The following TULP4 variants were observed in gnomAD, a reference collection of about 807,000 sequenced individuals.
TULP4 encodes the protein tubby-related protein 4.
Under a neutral mutation model 129.0 loss-of-function variants are expected in TULP4, and 16 were observed. The ratio of observed to expected loss-of-function variants is 0.12; its 90% CI spans 0.08 to 0.19. The LOEUF (loss-of-function observed/expected upper bound fraction) is 0.19, where lower values mean the gene tolerates loss of function less well. TULP4 is among the 10% of genes least tolerant of loss of function. The pLI is 1.00. For missense variants in TULP4, 1,842 were observed against 2,059.1 expected (o/e 0.89, Z 2.04); for synonymous variants, 998 against 854.0 (o/e 1.17, Z -2.94).
chr6:158,255,450 T>C (rs1286801614), intron 1 of TULP4, among the ~76,000 whole-genome samples: 1 of 152,146 alleles, frequency 6.6e-6, no homozygotes, highest in Non-Finnish European at 1.5e-5. Context: ...CCGTAGGTGA[T>C]GACTGTAGGG....
intron 1 of TULP4, among the ~76,000 whole-genome samples, chr6:158,397,213 G>T (rs1777738784): frequency 6.6e-6 from 1 of 152,192 alleles, no homozygotes; most frequent in Admixed American, 6.5e-5. Context: ...AGGGTCACAG[G>T]TACCTGCTGG....
chr6:158,405,017 C>G (rs983508966), intron 1 of TULP4, among the ~76,000 whole-genome samples: 2 of 152,056 alleles, frequency 1.3e-5, no homozygotes, highest in Non-Finnish European at 2.9e-5. Context: ...GAGAGTTTAA[C>G]CTTCTTTCAG....
intron 1 of TULP4, among the ~76,000 whole-genome samples, chr6:158,250,530 A>G (rs1335752451): frequency 6.6e-6 from 1 of 152,228 alleles, no homozygotes; most frequent in African/African-American, 2.4e-5. Context: ...GCTTTCTATA[A>G]ATTTATTGTA....
chr6:158,452,105 C>G (rs1293763568), intron 4 of TULP4, 29 bp from the exon 5 acceptor site: 1 of 1,610,472 alleles, frequency 6.2e-7, no homozygotes, highest in Non-Finnish European at 8.5e-7. Flanking sequence ...TGCTTCCCTC[C>G]TTTTCACTTG....
intron 1 of TULP4, among the ~76,000 whole-genome samples, chr6:158,331,953 C>T (rs1159236589): frequency 6.8e-6 from 1 of 148,116 alleles, no homozygotes; most frequent in East Asian, 2.0e-4. Flanking sequence ...GGGCGGATTA[C>T]CCGAGGTCAG....
intron 1 of TULP4, among the ~76,000 whole-genome samples, chr6:158,374,330 T>C (rs1444071407): frequency 6.6e-6 from 1 of 152,094 alleles, no homozygotes; most frequent in Non-Finnish European, 1.5e-5. Context: ...TAGCAGACAT[T>C]TTCCAGGAAT....
intron 6 of TULP4, among the ~76,000 whole-genome samples, chr6:158,478,695 C>T (rs1779872918): frequency 1.3e-5 from 2 of 152,178 alleles, no homozygotes; most frequent in Non-Finnish European, 2.9e-5. Context: ...GAATGATCAT[C>T]AGCGCTCCAT....
chr6:158,377,277 A>G (rs1777214327), intron 1 of TULP4, among the ~76,000 whole-genome samples: 1 of 152,250 alleles, frequency 6.6e-6, no homozygotes, highest in African/African-American at 2.4e-5. Flanking sequence ...AGAGAAAAAC[A>G]GGTGAGTGAT....
chr6:158,344,137 G>A (rs1311477632), intron 1 of TULP4, among the ~76,000 whole-genome samples: 1 of 152,032 alleles, frequency 6.6e-6, no homozygotes, highest in Non-Finnish European at 1.5e-5. Context: ...CCCCACCCTT[G>A]AGAATGTTCT....
intron 1 of TULP4, among the ~76,000 whole-genome samples, chr6:158,342,224 T>C (rs1210939534): frequency 6.6e-6 from 1 of 152,232 alleles, no homozygotes; most frequent in Non-Finnish European, 1.5e-5. Context: ...CCCAGCTTGG[T>C]GTGATCTTAT....
rs139931944 is a variant in TULP4, at chr6:158,370,831, G to A, written c.253-42234G>A. Among the ~76,000 whole-genome samples the A allele has an allele frequency of 2.7e-3, 407 of 152,322 alleles. 6 individuals carry two copies. Among genetic ancestry groups the A allele is most frequent in the African/African-American group, 8.6e-3 (358 of 41,568 alleles). On this transcript the variant is annotated intron_variant, in intron 1 of 13. Coordinates refer to ENST00000367097, the MANE Select transcript of TULP4 (RefSeq NM_020245.5). ...GACAAAATGTGGGTGGAGTCAGATAGTAGCTCTGACATTAGGCAGTTTATT... is the reference window on the plus strand; with the variant it reads ...GACAAAATGTGGGTGGAGTCAGATAATAGCTCTGACATTAGGCAGTTTATT...
intron 3 of TULP4, among the ~76,000 whole-genome samples, chr6:158,443,006 A>T (rs557396974): frequency 4.0e-5 from 6 of 151,028 alleles, no homozygotes; most frequent in African/African-American, 1.5e-4. Context: ...GTTTTTTGAG[A>T]TGGAGTCTCA....
chr6:158,458,373 C>A (rs1295737662), intron 5 of TULP4, among the ~76,000 whole-genome samples: 3 of 152,064 alleles, frequency 2.0e-5, no homozygotes, highest in Non-Finnish European at 4.4e-5. Context: ...AAAACCCACA[C>A]CCCCCAAAAT....
At chr6:158,353,134 A>G (rs1406977518) in intron 1 of TULP4, among the ~76,000 whole-genome samples, 1 of 152,224 alleles carries the variant, frequency 6.6e-6, no homozygotes, top group Non-Finnish European at 1.5e-5. Context: ...GGCTGTCCCC[A>G]TCGACCTCCC....
At chr6:158,239,747 C>T (rs1449555475) in intron 1 of TULP4, among the ~76,000 whole-genome samples, 65 of 76,156 alleles carry the variant, frequency 8.5e-4, no homozygotes, top group Admixed American at 1.1e-3. Flanking sequence ...CCAGACGGGG[C>T]GGCTGGCCGG....
chr6:158,431,959 G>T (rs552402885), intron 3 of TULP4, among the ~76,000 whole-genome samples: 2 of 151,808 alleles, frequency 1.3e-5, no homozygotes, highest in Non-Finnish European at 1.5e-5. Context: ...CTAGGAAAGC[G>T]CCCCCACTGC....
At chr6:158,410,090 G>GTCATCTGCCCTCC (rs1778060657) in intron 1 of TULP4, among the ~76,000 whole-genome samples, 1 of 152,134 alleles carries the variant, frequency 6.6e-6, no homozygotes, top group African/African-American at 2.4e-5. Flanking sequence ...TCCTGACCTC[G>GTCATCTGCCCTCC]TCATCTGCCC....
In TULP4 at chr6:158,347,900, T is replaced by G. The variant is rs146010629; in HGVS notation, c.252+33632T>G. Among the ~76,000 whole-genome samples, 568 of 152,324 alleles carry G rather than the reference T, an allele frequency of 3.7e-3. 4 individuals are homozygous for G. Among genetic ancestry groups the G allele is most frequent in the African/African-American group, 0.013 (541 of 41,588 alleles). On this transcript the variant is annotated intron_variant, in intron 1 of 13. Coordinates refer to ENST00000367097, the MANE Select transcript of TULP4 (RefSeq NM_020245.5). ...TTAAGAATCTATAAGGTAGAATGTT[T>G]TTGGATGAGAAAAAAAAAGAATCTG...
chr6:158,263,802 C>A (rs1001116975), intron 1 of TULP4, among the ~76,000 whole-genome samples: 1 of 151,510 alleles, frequency 6.6e-6, no homozygotes, highest in African/African-American at 2.4e-5. Context: ...GTGGCTCATG[C>A]CTGTAATCAC....
Sources: allele counts gnomAD v4.1 joint callset (sites outside exome capture counted in the v4.1 genomes callset), GRCh38; gene constraint gnomAD v4.1.1; transcripts MANE v1.5; gene names NCBI Gene and HGNC (gene_info 2026-07-23, HGNC 2026-07-21).